The following ESRP1 variants were observed in gnomAD, a reference collection of about 807,000 sequenced individuals.
ESRP1 encodes the protein epithelial splicing regulatory protein 1, also known as RNA-binding motif protein 35A.
Under a neutral mutation model 81.7 loss-of-function variants are expected in ESRP1, and 33 were observed. The ratio of observed to expected loss-of-function variants is 0.40; its 90% confidence interval spans 0.31 to 0.54. The LOEUF is 0.54. ESRP1 is among the 20% of genes least tolerant of loss of function. The pLI, the probability that ESRP1 is intolerant of heterozygous loss-of-function variation, is 0.41. For missense variants in ESRP1, 672 were observed against 833.1 expected (o/e 0.81, Z 2.38); for synonymous variants, 320 against 303.3 (o/e 1.06, Z -0.57).
intron 13 of ESRP1, among the ~76,000 whole-genome samples, chr8:94,690,122 TTTTTTTG>T (rs1478383563): frequency 6.8e-6 from 1 of 146,880 alleles, no homozygotes; most frequent in Non-Finnish European, 1.5e-5. Flanking sequence ...CCGGCCTAAT[TTTTTTTG>T]TTTTTTTGTT....
At chr8:94,649,244 CAT>C (rs1817996167) in intron 4 of ESRP1, among the ~76,000 whole-genome samples, 1 of 152,212 alleles carries the variant, frequency 6.6e-6, no homozygotes, top group Non-Finnish European at 1.5e-5. Flanking sequence ...GATGGGTCCT[CAT>C]ATTTTGCCCT....
chr8:94,678,201 A>T lies in ESRP1; in HGVS notation c.1652-2A>T. ...TCAAAGAATCTCTCTTTGCATATCT[A>T]GGCCTGTCTCCTCCCTCCTACACAT... On this transcript the variant is annotated splice_acceptor_variant, in intron 12 of 15. Transcript: ENST00000433389. LOFTEE classifies it high-confidence loss of function. The T allele has an allele frequency of 6.2e-7, 1 of 1,613,760 alleles. No individual in the cohort carries two copies. The highest frequency in any genetic ancestry group is 8.5e-7 in the Non-Finnish European group (1 of 1,179,770).
At position 94,671,545 on chromosome 8, in the gene ESRP1, T is replaced by A. The variant is rs372346252; in HGVS notation, c.1326T>A (p.Asn442Lys). The change falls in exon 11 of 16, where the codon AAT becomes AAA. Residue 442 changes from asparagine (N) to lysine (K), a missense_variant. By Grantham distance (94) the Asn-to-Lys change is moderately conservative. Coordinates refer to ENST00000433389, the MANE Select transcript of ESRP1 (RefSeq NM_017697.4). ...VLPQQFVPPT[N>K]VRDCIRLRGL... ...CTCAGCAATTTGTGCCCCCTACAAA[T>A]GTTAGAGACTGTATACGCCTTCGAG... is the stretch of plus-strand genomic sequence containing the variant. The A allele has an allele frequency of 4.5e-5, 73 of 1,613,918 alleles. No homozygotes were observed. The African/African-American group carries it at 9.2e-4, about 20-fold the overall frequency.
chr8:94,691,666 A>G (rs894464012), intron 13 of ESRP1, among the ~76,000 whole-genome samples: 1 of 152,182 alleles, frequency 6.6e-6, no homozygotes, highest in African/African-American at 2.4e-5. Flanking sequence ...AGGATTATGT[A>G]TGATAGATAA....
rs1172624137 is a variant in ESRP1, at chr8:94,674,337, G to C, written c.1482G>C (p.Gln494His). 1.2e-6 allele frequency: 2 copies of C among 1,613,800 alleles called. No individual in the cohort carries two copies. The highest frequency in any genetic ancestry group is 1.7e-6 in the Non-Finnish European group (2 of 1,179,874). The stretch of plus-strand genomic sequence containing the variant: ...GCCCATCAGGAGATGCCTTTATCCA[G>C]ATGAAGTCTGCGGACAGAGCATTTA... The part of the protein sequence containing the change: ...QGRPSGDAFI[Q>H]MKSADRAFMA... Residue 494 changes from glutamine to histidine, a missense_variant, in exon 12 of 16, where the codon CAG becomes CAC. Physicochemically the swap from Gln to His is conservative, Grantham distance 24. Transcript: ENST00000433389.
At chr8:94,650,734 A>G (rs1818080453) in intron 4 of ESRP1, among the ~76,000 whole-genome samples, 1 of 151,480 alleles carries the variant, frequency 6.6e-6, no homozygotes, top group South Asian at 2.1e-4. Flanking sequence ...TTTTTTTGAG[A>G]CGGAGTCTTG....
intron 11 of ESRP1, among the ~76,000 whole-genome samples, chr8:94,674,089 A>G (rs1223052940): frequency 1.3e-5 from 2 of 152,234 alleles, no homozygotes; most frequent in Non-Finnish European, 2.9e-5. Flanking sequence ...ATTTTCAGCT[A>G]TGAGCTCTCA....
chr8:94,659,469 C>G (rs1252244484), intron 4 of ESRP1, among the ~76,000 whole-genome samples: 1 of 152,200 alleles, frequency 6.6e-6, no homozygotes, highest in East Asian at 1.9e-4. Context: ...TCTCCCTCTC[C>G]TTGGGACTCC....
intron 13 of ESRP1, among the ~76,000 whole-genome samples, chr8:94,685,939 T>G (rs930998894): frequency 1.3e-5 from 2 of 152,160 alleles, no homozygotes; most frequent in African/African-American, 4.8e-5. Context: ...TTGGAAAAAC[T>G]TAATACCTAT....
In ESRP1 at chr8:94,706,067, G is replaced by A; in HGVS notation, c.*178G>A. ...ACGGGCCTGTGCCTTATCTTTTGGT[G>A]GAGTGAAAAAATTTGAGCTAGTGAA... On this transcript the variant is annotated 3_prime_UTR_variant, in exon 16 of 16. Coordinates refer to ENST00000433389, the MANE Select transcript of ESRP1 (RefSeq NM_017697.4). 9.4e-7 allele frequency: 1 copy of A among 1,060,474 alleles called. No individual in the cohort carries two copies. Among genetic ancestry groups the A allele is most frequent in the East Asian group, 2.7e-5 (1 of 37,558 alleles). The allele number at this position is 1,060,474 out of a possible 1,614,324, so 65.7% of individuals were successfully genotyped here.
chr8:94,664,994 A>G lies in ESRP1; in HGVS notation c.823A>G (p.Ser275Gly). The G allele has an allele frequency of 1.2e-6, 2 of 1,613,024 alleles. No homozygotes were observed. Among genetic ancestry groups the G allele is most frequent in the East Asian group, 2.2e-5 (1 of 44,828 alleles). The change falls in exon 8 of 16, where the codon AGT becomes GGT. Residue 275 changes from serine (S) to glycine (G), a missense_variant. Coordinates refer to ENST00000433389, the MANE Select transcript of ESRP1 (RefSeq NM_017697.4). ...RNGEALVRFV[S>G]EEHRDLALQR... ...CGGAGAAGCTCTGGTTAGGTTTGTA[A>G]GTGAGGAGCACCGAGACCTAGCACT... is the stretch of plus-strand genomic sequence containing the variant.
Position 94,682,904 on chromosome 8 carries a change from TTATATATATATA to T in ESRP1, c.1820+4551_1820+4562del, listed in dbSNP as rs1170938965. On this transcript the variant is annotated intron_variant, in intron 13 of 15. Coordinates refer to ENST00000433389, the MANE Select transcript of ESRP1 (RefSeq NM_017697.4). ...TTCATTATTCAATATATTCATTATT[TTATATATATATA>T]TATATATATATATATATTTTTTTTT... Among the ~76,000 whole-genome samples, 207 of 29,840 alleles carry T rather than the reference TTATATATATATA, an allele frequency of 6.9e-3. 9 individuals are homozygous for T. The highest frequency in any genetic ancestry group is 0.033 in the African/African-American group (187 of 5,594). 19.6% of individuals were successfully genotyped at this position (29,840 alleles called of 152,430 possible). A position where few individuals can be genotyped will look rare whatever the true frequency, so the allele number is the denominator to read the frequency against.
chr8:94,685,065 C>G (rs527501510), intron 13 of ESRP1, among the ~76,000 whole-genome samples: 1 of 151,184 alleles, frequency 6.6e-6, no homozygotes, highest in South Asian at 2.1e-4. Context: ...GGCAAATCCT[C>G]AAATTGTGAA....
chr8:94,646,334 A>AAAT (rs57602858), intron 4 of ESRP1, 52 bp downstream of exon 4: 6 of 1,251,940 alleles, frequency 4.8e-6, no homozygotes, highest in South Asian at 1.4e-5. Flanking sequence ...GTTCCAGAAA[A>AAAT]GGTAATTCAA....
At chr8:94,705,808 A>T in intron 15 of ESRP1, 117 bp from the exon 16 acceptor site, 1 of 918,426 alleles carries the variant, frequency 1.1e-6, no homozygotes, top group Non-Finnish European at 1.6e-6. Flanking sequence ...GGACCATCTT[A>T]AGGCTTTTTT....
intron 13 of ESRP1, among the ~76,000 whole-genome samples, chr8:94,681,251 G>A (rs112358242): frequency 0.35 from 51,055 of 147,266 alleles, 9,383 homozygotes; most frequent in East Asian, 0.56. Flanking sequence ...GCGTGAACCC[G>A]GGAGAAGGAG....
rs1819331392 is a variant in ESRP1, at chr8:94,671,616, G to A, written c.1397G>A (p.Gly466Glu). The change falls in exon 11 of 16, where the codon GGG becomes GAG. Residue 466 changes from glycine (G) to glutamate (E), a missense_variant. Coordinates refer to ENST00000433389, the MANE Select transcript of ESRP1 (RefSeq NM_017697.4). ...ATTGAGGACATCCTGGATTTCCTGG[G>A]GGAGTTCGCCACAGATATTCGTACT... Reference protein sequence around the residue: ...ATIEDILDFLGEFATDIRTHG... With the variant: ...ATIEDILDFLEEFATDIRTHG... The A allele has an allele frequency of 6.2e-7, 1 of 1,613,714 alleles. No individual in the cohort carries two copies. Among genetic ancestry groups the A allele is most frequent in the African/African-American group, 1.3e-5 (1 of 74,862 alleles).
chr8:94,646,086 T>A (rs987214353), intron 3 of ESRP1, 82 bp from the exon 4 acceptor site: 1 of 704,388 alleles, frequency 1.4e-6, no homozygotes, highest in South Asian at 2.2e-5. Context: ...TATGCTTATA[T>A]TCAATTTTTA....
rs138058879 is a variant in ESRP1, at chr8:94,664,141, T to TTTTTTTTG, written c.645-556_645-555insTTTTTTTG. On this transcript the variant is annotated intron_variant, in intron 6 of 15. Transcript: ENST00000433389. ...TCAGCTTTTTTTTTTTTTTTTTTTT[T>TTTTTTTTG]GAGAGGGAGTCTTGCTCTATTGCCC... 3.9e-4 allele frequency among the ~76,000 whole-genome samples: 48 copies of TTTTTTTTG among 124,656 alleles called. 2 individuals are homozygous for TTTTTTTTG. Among genetic ancestry groups the TTTTTTTTG allele is most frequent in the South Asian group, 5.8e-4 (2 of 3,462 alleles). 81.8% of individuals were successfully genotyped at this position (124,656 alleles called of 152,430 possible).
Sources: allele counts gnomAD v4.1 joint callset (sites outside exome capture counted in the v4.1 genomes callset), GRCh38; gene constraint gnomAD v4.1.1; transcripts MANE v1.5; gene names NCBI Gene and HGNC (gene_info 2026-07-23, HGNC 2026-07-21).